APOA1: variants seen among roughly 807,000 people sequenced by gnomAD.
APOA1 encodes the protein apolipoprotein A1.
A neutral mutation model predicts 25.9 loss-of-function variants in APOA1; 22 were observed. That is an observed-to-expected ratio of 0.85 (90% CI 0.61 to 1.21). APOA1 has a LOEUF of 1.21. Among genes scored for constraint, APOA1 ranks in the 50% most tolerant of loss-of-function variants. The probability of loss-of-function intolerance (pLI) is 0.00; values close to 1 mark genes in which losing one functional copy is unlikely to be tolerated. For synonymous variants in APOA1, 163 were observed against 152.2 expected (o/e 1.07, Z -0.52); for missense variants, 351 against 347.9 (o/e 1.01, Z -0.07).
At position 116,837,598 on chromosome 11, in the gene APOA1, G is replaced by A. The variant is rs1381651729; in HGVS notation, c.-21+7C>T. On this transcript the variant is annotated splice_region_variant and intron_variant, in intron 1 of 3. Coordinates refer to ENST00000236850, the MANE Select transcript of APOA1 (RefSeq NM_000039.3). ...CCAGAGTGACCGGGGCAGGCAGCAG[G>A]ACGCACCTCCTTCTCGCAGTCTCTA... is the stretch of plus-strand genomic sequence containing the variant. The A allele has an allele frequency of 9.6e-6, 6 of 621,958 alleles. No homozygotes were observed. Among genetic ancestry groups the A allele is most frequent in the Non-Finnish European group, 1.4e-5 (5 of 347,662 alleles). 38.5% of individuals were successfully genotyped at this position (621,958 alleles called of 1,614,324 possible).
rs773584936 is a variant in APOA1, at chr11:116,837,006, C to T, written c.195G>A (p.Gln65=). 17 of 1,614,010 alleles carry T rather than the reference C, an allele frequency of 1.1e-5. No individual in the cohort carries two copies. In the Admixed American group the frequency reaches 1.3e-4, roughly 13 times the overall value. ...SQFEGSALGK[Q]LNLKLLDNWD... is the part of the protein sequence containing the mutation. ...ACCCCAGGCTGGGTCCTTACTTTAGCTGTTTTCCCAAGGCGGAGCCTTCAA... is the reference window on the plus strand; with the variant it reads ...ACCCCAGGCTGGGTCCTTACTTTAGTTGTTTTCCCAAGGCGGAGCCTTCAA... Residue 65 remains glutamine, a synonymous_variant, in exon 3 of 4, where the codon CAG becomes CAA. Coordinates refer to ENST00000236850, the MANE Select transcript of APOA1 (RefSeq NM_000039.3).
chr11:116,836,545 G>A (rs964266482), intron 3 of APOA1, 134 bp from the exon 4 acceptor site: 3 of 1,207,652 alleles, frequency 2.5e-6, no homozygotes, highest in African/African-American at 1.5e-5. Flanking sequence ...CAACACCCCT[G>A]CCCCGCCAGG....
In APOA1 at chr11:116,836,147, G is replaced by C. The variant is rs1441691066; in HGVS notation, c.465C>G (p.Arg155=). The C allele has an allele frequency of 3.7e-6, 6 of 1,613,278 alleles. No individual in the cohort carries two copies. Among genetic ancestry groups the C allele is most frequent in the Non-Finnish European group, 4.2e-6 (5 of 1,180,020 alleles). The change falls in exon 4 of 4, where the codon CGC becomes CGG. Residue 155 remains arginine, a synonymous_variant. Coordinates refer to ENST00000236850, the MANE Select transcript of APOA1 (RefSeq NM_000039.3). ...TCTCTTGCAGCTCGTGCAGCTTCTG[G>C]CGCGCGCCCTCTTGGAGCTCTGCGC... ...PLRAELQEGA[R]QKLHELQEKL...
rs1236434082 is a variant in APOA1 at position 116,836,145 on chromosome 11, T to C, written c.467A>G (p.Gln156Arg). 6.2e-7 allele frequency: 1 copy of C among 1,613,308 alleles called. No individual in the cohort carries two copies. The highest frequency in any genetic ancestry group is 1.7e-5 in the Admixed American group (1 of 60,028). ...LRAELQEGAR[Q>R]KLHELQEKLS... is the part of the protein sequence containing the mutation. ...CTTCTCTTGCAGCTCGTGCAGCTTC[T>C]GGCGCGCGCCCTCTTGGAGCTCTGC... The change falls in exon 4 of 4, where the codon CAG (glutamine) becomes CGG (arginine). Residue 156 changes from glutamine to arginine, a missense_variant. Coordinates refer to ENST00000236850, the MANE Select transcript of APOA1 (RefSeq NM_000039.3).
At position 116,837,041 on chromosome 11, in the gene APOA1, C is replaced by T; in HGVS notation, c.160G>A (p.Val54Met). The T allele has an allele frequency of 1.2e-6, 2 of 1,614,214 alleles. No homozygotes were observed. The highest frequency in any genetic ancestry group is 1.7e-6 in the Non-Finnish European group (2 of 1,180,048). Residue 54 changes from valine to methionine, a missense_variant, in exon 3 of 4, where the codon GTG (valine) becomes ATG (methionine). Coordinates refer to ENST00000236850, the MANE Select transcript of APOA1 (RefSeq NM_000039.3). ...DVLKDSGRDYVSQFEGSALGK... is the reference protein window; with the variant it reads ...DVLKDSGRDYMSQFEGSALGK... Reference sequence around the variant, plus strand: ...AAGGCGGAGCCTTCAAACTGGGACACATAGTCTCTGCCGCTGTCTTTGAGC... The same window carrying T: ...AAGGCGGAGCCTTCAAACTGGGACATATAGTCTCTGCCGCTGTCTTTGAGC...
Position 116,837,395 on chromosome 11 carries a change from G to A in APOA1, c.-8C>T. On this transcript the variant is annotated 5_prime_UTR_variant, in exon 2 of 4. Transcript: ENST00000236850. ...CAGCACCGCAGCTTTCATCCTGAAG[G>A]GCCGTGGGGGACCTGGAGGAGAAGA... The A allele has an allele frequency of 1.3e-6, 2 of 1,557,022 alleles. No homozygotes were observed. The highest frequency in any genetic ancestry group is 2.4e-5 in the East Asian group (1 of 41,630).
Position 116,835,774 on chromosome 11 carries a change from C to A in APOA1, c.*34G>T. ...GCTTCCCACTTTGGAAACGTTTATTCTGAGCACCGGGAAGGGGGGCGGCGG... is the reference window on the plus strand; with the variant it reads ...GCTTCCCACTTTGGAAACGTTTATTATGAGCACCGGGAAGGGGGGCGGCGG... On this transcript the variant is annotated 3_prime_UTR_variant, in exon 4 of 4. Transcript: ENST00000236850. The A allele has an allele frequency of 6.2e-7, 1 of 1,612,888 alleles. No individual in the cohort carries two copies. Among genetic ancestry groups the A allele is most frequent in the Non-Finnish European group, 8.5e-7 (1 of 1,179,976 alleles).
rs1490305966 is a variant in APOA1 at position 116,836,376 on chromosome 11, G to A, written c.236C>T (p.Ser79Phe). Residue 79 changes from serine (S) to phenylalanine (F), a missense_variant, in exon 4 of 4, where the codon TCC becomes TTC. Physicochemically the swap from Ser to Phe is radical, Grantham distance 155 (BLOSUM62 -2). Transcript: ENST00000236850. Reference sequence around the variant, plus strand: ...CTGTTCGCGCAGCTTGCTGAAGGTGGAGGTCACGCTGTCCCAGTTGTCAAG... The same window carrying A: ...CTGTTCGCGCAGCTTGCTGAAGGTGAAGGTCACGCTGTCCCAGTTGTCAAG... ...KLLDNWDSVT[S>F]TFSKLREQLG... 5.0e-6 allele frequency: 8 copies of A among 1,613,980 alleles called. No homozygotes were observed. The highest frequency in any genetic ancestry group is 1.3e-5 in the African/African-American group (1 of 74,944).
rs12721032 is a variant in APOA1 at position 116,837,499 on chromosome 11, G to T, written c.-20-92C>A. On this transcript the variant is annotated intron_variant, in intron 1 of 3. Coordinates refer to ENST00000236850, the MANE Select transcript of APOA1 (RefSeq NM_000039.3). The stretch of plus-strand genomic sequence containing the variant: ...CTCATTGCAGCCAGGTGAGGAGAAG[G>T]GCACAGAGCGGGAGAAGACCTCAGG... The T allele has an allele frequency of 5.2e-6, 7 of 1,342,204 alleles. No individual in the cohort carries two copies. The African/African-American group carries it at 8.7e-5, about 17-fold the overall frequency. The allele number at this position is 1,342,204 out of a possible 1,614,324, so 83.1% of individuals were successfully genotyped here.
chr11:116,836,875 C>T, intron 3 of APOA1, 126 bp downstream of exon 3: 1 of 1,139,806 alleles, frequency 8.8e-7, no homozygotes, highest in Non-Finnish European at 1.3e-6. Flanking sequence ...CCAGTTTCTC[C>T]ATCCAGACCA....
In APOA1 at chr11:116,836,375, G is replaced by A. The variant is rs375453486; in HGVS notation, c.237C>T (p.Ser79=). ...GCTGTTCGCGCAGCTTGCTGAAGGT[G>A]GAGGTCACGCTGTCCCAGTTGTCAA... The part of the protein sequence containing the change: ...KLLDNWDSVT[S]TFSKLREQLG... Residue 79 remains serine (S), a synonymous_variant, in exon 4 of 4, where the codon TCC becomes TCT. Transcript: ENST00000236850. 1.1e-5 allele frequency: 18 copies of A among 1,614,008 alleles called. No homozygotes were observed. The highest frequency in any genetic ancestry group is 1.7e-5 in the Admixed American group (1 of 60,014).
In APOA1 at chr11:116,835,851, A is replaced by C. The variant is rs775381241; in HGVS notation, c.761T>G (p.Leu254Arg). The change falls in exon 4 of 4, where the codon CTG becomes CGG. Residue 254 changes from leucine to arginine, a missense_variant. Coordinates refer to ENST00000236850, the MANE Select transcript of APOA1 (RefSeq NM_000039.3). ...PVLESFKVSF[L>R]SALEEYTKKL... ...CTTAGTGTACTCCTCGAGAGCGCTC[A>C]GGAAGCTGACCTTGAAGCTCTCCAG... 2.5e-6 allele frequency: 4 copies of C among 1,613,170 alleles called. No homozygotes were observed. Among genetic ancestry groups the C allele is most frequent in the Non-Finnish European group, 3.4e-6 (4 of 1,180,032 alleles).
Position 116,837,398 on chromosome 11 carries a change from C to A in APOA1, c.-11G>T. On this transcript the variant is annotated 5_prime_UTR_variant, in exon 2 of 4. Transcript: ENST00000236850. ...CACCGCAGCTTTCATCCTGAAGGGCCGTGGGGGACCTGGAGGAGAAGAAGG... is the reference window on the plus strand; with the variant it reads ...CACCGCAGCTTTCATCCTGAAGGGCAGTGGGGGACCTGGAGGAGAAGAAGG... 2 of 1,556,338 alleles carry A rather than the reference C, an allele frequency of 1.3e-6. No homozygotes were observed. The highest frequency in any genetic ancestry group is 8.7e-7 in the Non-Finnish European group (1 of 1,149,526).
At position 116,837,092 on chromosome 11, in the gene APOA1, C is replaced by A; in HGVS notation, c.109G>T (p.Asp37Tyr). The change falls in exon 3 of 4, where the codon GAC (aspartate) becomes TAC (tyrosine). Residue 37 changes from aspartate (D) to tyrosine (Y), a missense_variant. Transcript: ENST00000236850. Reference sequence around the variant, plus strand: ...ACATCCACGTACACAGTGGCCAGGTCCTTCACTCGATCCCAGGGGCTCTGG... The same window carrying A: ...ACATCCACGTACACAGTGGCCAGGTACTTCACTCGATCCCAGGGGCTCTGG... ...PPQSPWDRVK[D>Y]LATVYVDVLK... 2 of 1,614,126 alleles carry A rather than the reference C, an allele frequency of 1.2e-6. No homozygotes were observed. Among genetic ancestry groups the A allele is most frequent in the East Asian group, 4.5e-5 (2 of 44,882 alleles).
chr11:116,835,843 G>C lies in APOA1; in HGVS notation c.769C>G (p.Leu257Val). The change falls in exon 4 of 4, where the codon CTC becomes GTC. Residue 257 changes from leucine (L) to valine (V), a missense_variant. Transcript: ENST00000236850. ...ESFKVSFLSA[L>V]EEYTKKLNTQ ...TTGAGCTTCTTAGTGTACTCCTCGA[G>C]AGCGCTCAGGAAGCTGACCTTGAAG... The C allele has an allele frequency of 6.2e-7, 1 of 1,613,134 alleles. No individual in the cohort carries two copies. Among genetic ancestry groups the C allele is most frequent in the Non-Finnish European group, 8.5e-7 (1 of 1,180,034 alleles).
intron 3 of APOA1, 31 bp downstream of exon 3, chr11:116,836,970 C>T (rs1565339457): frequency 3.1e-6 from 5 of 1,613,084 alleles, no homozygotes; most frequent in African/African-American, 1.3e-5. Context: ...TGCCCCCTAC[C>T]CCTGCCCTCA....
rs1374616841 is a variant in APOA1, at chr11:116,836,109, A to G, written c.503T>C (p.Leu168Pro). ...CGCGCGGTCGCGCATCTCCTCGCCC[A>G]GTGGGCTCAGCTTCTCTTGCAGCTC... ...LHELQEKLSPLGEEMRDRARA... is the reference protein window; with the variant it reads ...LHELQEKLSPPGEEMRDRARA... Residue 168 changes from leucine (L) to proline (P), a missense_variant, in exon 4 of 4, where the codon CTG (leucine) becomes CCG (proline). Leu to Pro is a moderately conservative substitution (Grantham distance 98). Transcript: ENST00000236850. The G allele has an allele frequency of 8.1e-6, 13 of 1,611,308 alleles. No homozygotes were observed. The highest frequency in any genetic ancestry group is 2.2e-5 in the East Asian group (1 of 44,884).
Position 116,835,983 on chromosome 11 carries a change from C to T in APOA1, c.629G>A (p.Gly210Asp). 6.2e-7 allele frequency: 1 copy of T among 1,609,882 alleles called. No individual in the cohort carries two copies. The highest frequency in any genetic ancestry group is 8.5e-7 in the Non-Finnish European group (1 of 1,179,886). The change falls in exon 4 of 4, where the codon GGC becomes GAC. Residue 210 changes from glycine (G) to aspartate (D), a missense_variant. Physicochemically the swap from Gly to Asp is moderately conservative, Grantham distance 94. Transcript: ENST00000236850. Reference sequence around the variant, plus strand: ...GGCGTGGTACTCGGCCAGTCTGGCGCCGCCGTTCTCCTTGAGAGCCTCAAG... The same window carrying T: ...GGCGTGGTACTCGGCCAGTCTGGCGTCGCCGTTCTCCTTGAGAGCCTCAAG... The part of the protein sequence containing the change: ...ARLEALKENG[G>D]ARLAEYHAKA...
In APOA1 at chr11:116,835,919, G is replaced by C; in HGVS notation, c.693C>G (p.Ala231=). Residue 231 remains alanine, a synonymous_variant, in exon 4 of 4, where the codon GCC becomes GCG. Coordinates refer to ENST00000236850, the MANE Select transcript of APOA1 (RefSeq NM_000039.3). ...TEHLSTLSEK[A]KPALEDLRQG... ...GGCGGAGGTCCTCGAGCGCGGGCTT[G>C]GCCTTCTCGCTGAGCGTGCTCAGAT... is the stretch of plus-strand genomic sequence containing the variant. 6.2e-7 allele frequency: 1 copy of C among 1,613,084 alleles called. No homozygotes were observed.
Sources: allele counts gnomAD v4.1 joint callset, GRCh38; gene constraint gnomAD v4.1.1; transcripts MANE v1.5; gene names NCBI Gene and HGNC (gene_info 2026-07-23, HGNC 2026-07-21).